Variants in F13A1 observed in about 807,000 individuals in gnomAD.
The protein encoded by F13A1 is coagulation factor XIII A chain, also known as FSF, A subunit.
In F13A1, 47 loss-of-function variants were observed where a neutral mutation model predicts 80.1. The observed-to-expected ratio is 0.59, with a 90% CI of 0.46 to 0.75. The LOEUF (loss-of-function observed/expected upper bound fraction) is 0.75, where lower values mean the gene tolerates loss of function less well. F13A1 is among the 30% of genes least tolerant of loss of function. F13A1 has a pLI of 0.00. For missense variants in F13A1, 817 were observed against 930.4 expected (o/e 0.88, Z 1.59); for synonymous variants, 349 against 344.9 (o/e 1.01, Z -0.13).
intron 8 of F13A1, among the ~76,000 whole-genome samples, chr6:6,220,540 G>C (rs183048576): frequency 1.7e-3 from 249 of 147,014 alleles, no homozygotes; most frequent in Non-Finnish European, 3.1e-3. Context: ...AGCTACAAAG[G>C]CTGTGTGTGT....
intron 8 of F13A1, chr6:6,206,699 T>C (rs907647616): frequency 1.0e-5 from 4 of 391,998 alleles, no homozygotes; most frequent in Non-Finnish European, 2.1e-5. Flanking sequence ...TTACATTCCT[T>C]CATTAGGCTG....
chr6:6,304,335 C>CAT (rs1326736756), intron 3 of F13A1, among the ~76,000 whole-genome samples: 1 of 152,058 alleles, frequency 6.6e-6, no homozygotes, highest in Non-Finnish European at 1.5e-5. Context: ...TTAATTTGTG[C>CAT]ATAGGATTAT....
intron 3 of F13A1, among the ~76,000 whole-genome samples, chr6:6,283,555 T>C (rs1235590773): frequency 6.6e-6 from 1 of 152,224 alleles, no homozygotes; most frequent in African/African-American, 2.4e-5. Context: ...TTTGTATGGT[T>C]TGTCTTGTAA....
intron 2 of F13A1, among the ~76,000 whole-genome samples, chr6:6,310,326 T>A (rs1350170149): frequency 6.6e-6 from 1 of 152,218 alleles, no homozygotes; most frequent in Admixed American, 6.5e-5. Context: ...GGAAACTTTT[T>A]TCTTTGGAGA....
At chr6:6,244,060 T>G (rs1469110285) in intron 6 of F13A1, among the ~76,000 whole-genome samples, 1 of 152,164 alleles carries the variant, frequency 6.6e-6, no homozygotes, top group African/African-American at 2.4e-5. Context: ...CATGCTGCCC[T>G]TGTCACAATA....
chr6:6,209,809 A>G (rs1359365047), intron 8 of F13A1, among the ~76,000 whole-genome samples: 3 of 152,246 alleles, frequency 2.0e-5, no homozygotes, highest in African/African-American at 7.2e-5. Context: ...ATCCATAGAG[A>G]GAGAAAGTAG....
At chr6:6,279,361 G>A (rs1320816341) in intron 3 of F13A1, among the ~76,000 whole-genome samples, 1 of 152,192 alleles carries the variant, frequency 6.6e-6, no homozygotes. Context: ...CTAATTTATT[G>A]TAGTTTGCCA....
intron 3 of F13A1, among the ~76,000 whole-genome samples, chr6:6,285,293 C>G (rs1234765257): frequency 6.6e-6 from 1 of 152,176 alleles, no homozygotes; most frequent in African/African-American, 2.4e-5. Context: ...CCTCTTAAAC[C>G]CCCTCTGGGG....
intron 12 of F13A1, among the ~76,000 whole-genome samples, chr6:6,172,421 G>C: frequency 6.7e-6 from 1 of 150,232 alleles, no homozygotes; most frequent in East Asian, 2.0e-4. Context: ...AAGTGCCAAA[G>C]CTTTTAGTTT....
chr6:6,172,603 G>T (rs1018979193), intron 12 of F13A1, among the ~76,000 whole-genome samples: 1 of 151,910 alleles, frequency 6.6e-6, no homozygotes, highest in East Asian at 1.9e-4. Flanking sequence ...CTGCCACAAC[G>T]CCTGGCTAAT....
chr6:6,200,482 T>C (rs964004794), intron 8 of F13A1, among the ~76,000 whole-genome samples: 1 of 145,970 alleles, frequency 6.9e-6, no homozygotes, highest in African/African-American at 2.6e-5. Flanking sequence ...GCCCGGGAGA[T>C]CAAGGCTGCA....
chr6:6,319,146 G>A (rs3024317), intron 1 of F13A1, among the ~76,000 whole-genome samples: 68,575 of 152,020 alleles, frequency 0.45, 16,180 homozygotes, highest in East Asian at 0.76. Flanking sequence ...CTTCTAAAGC[G>A]TTTACATTTG....
Position 6,306,685 on chromosome 6 carries a change from C to T in F13A1, c.131-1146G>A, listed in dbSNP as rs549769285. ...AGGTGGGGTGGGAGGGTAGAAGGGT[C>T]GGCAGGGGTGCCCTGGCCTCTTGCC... On this transcript the variant is annotated intron_variant, in intron 2 of 14. Coordinates refer to ENST00000264870, the MANE Select transcript of F13A1 (RefSeq NM_000129.4). Among the ~76,000 whole-genome samples, 144 of 152,348 alleles carry T rather than the reference C, an allele frequency of 9.5e-4. 1 individual carries two copies. Among genetic ancestry groups the T allele is most frequent in the Non-Finnish European group, 1.7e-3 (119 of 68,030 alleles).
chr6:6,299,448 C>G lies in F13A1; in HGVS notation c.319+5903G>C, dbSNP rs1251617024. Among the ~76,000 whole-genome samples, 4 of 130,812 alleles carry G rather than the reference C, an allele frequency of 3.1e-5. 1 individual carries two copies. Among genetic ancestry groups the G allele is most frequent in the African/African-American group, 1.5e-4 (4 of 26,106 alleles). The allele number at this position is 130,812 out of a possible 152,430, so 85.8% of individuals were successfully genotyped here. ...TATTTCTTAGAGGCTTTGCTCATTT[C>G]TTTTTATTCTTTTTTCTCTAAACTT... On this transcript the variant is annotated intron_variant, in intron 3 of 14. Transcript: ENST00000264870.
rs1048438277 is a variant in F13A1 at position 6,168,487 on chromosome 6, C to T, written c.1748-869G>A. ...CTGTAGGCTGAGCCCAGGTGTGCAC[C>T]CACTGCTACCTGGTTGGAGCCAGAT... On this transcript the variant is annotated intron_variant, in intron 12 of 14. Transcript: ENST00000264870. Among the ~76,000 whole-genome samples the T allele has an allele frequency of 3.9e-5, 6 of 152,276 alleles. No homozygotes were observed. In the East Asian group the frequency reaches 9.6e-4, roughly 24 times the overall value.
chr6:6,184,520 C>T (rs978555188), intron 10 of F13A1, among the ~76,000 whole-genome samples: 1 of 152,126 alleles, frequency 6.6e-6, no homozygotes, highest in Non-Finnish European at 1.5e-5. Context: ...CAGGAGAGGA[C>T]GCAGCAGATA....
intron 8 of F13A1, among the ~76,000 whole-genome samples, chr6:6,216,188 T>A (rs1202956988): frequency 6.6e-6 from 1 of 152,116 alleles, no homozygotes; most frequent in Non-Finnish European, 1.5e-5. Context: ...TGAAAGTTCA[T>A]ATGGAACCAA....
chr6:6,319,394 CA>C (rs1379815980), intron 1 of F13A1, among the ~76,000 whole-genome samples: 1 of 152,152 alleles, frequency 6.6e-6, no homozygotes, highest in Non-Finnish European at 1.5e-5. Context: ...GTTGGGCATG[CA>C]ATTTTCAATA....
intron 8 of F13A1, among the ~76,000 whole-genome samples, chr6:6,215,231 AG>A (rs1486973772): frequency 3.0e-5 from 4 of 132,220 alleles, no homozygotes; most frequent in Admixed American, 2.3e-4. Context: ...CAACAAAAAA[AG>A]AGAATTTTAG....
Sources: allele counts gnomAD v4.1 joint callset (sites outside exome capture counted in the v4.1 genomes callset), GRCh38; gene constraint gnomAD v4.1.1; transcripts MANE v1.5; gene names NCBI Gene and HGNC (gene_info 2026-07-23, HGNC 2026-07-21).